BCLAF3: variants seen among roughly 807,000 people sequenced by gnomAD.
The protein encoded by BCLAF3 is transient octamer binding factor 1.
Under a neutral mutation model 51.2 loss-of-function variants are expected in BCLAF3, and 24 were observed. The ratio of observed to expected loss-of-function variants is 0.47; its 90% CI spans 0.34 to 0.66. BCLAF3 has a LOEUF of 0.66. Ranked by LOEUF, BCLAF3 falls within the 30% of genes least tolerant of loss-of-function variation. BCLAF3 has a pLI of 0.01. For synonymous variants in BCLAF3, 152 were observed against 176.6 expected, an observed-to-expected ratio of 0.86 and a Z score of 1.10; for missense variants, 465 against 525.1, an observed-to-expected ratio of 0.89 and a Z score of 1.12.
intron 1 of BCLAF3, among the ~76,000 whole-genome samples, chrX:19,980,137 A>G (rs2072562782): frequency 8.9e-6 from 1 of 112,398 alleles, no homozygotes; most frequent in African/African-American, 3.2e-5. Flanking sequence ...ACCTGAATCT[A>G]TACATTTAAG....
intron 11 of BCLAF3, among the ~76,000 whole-genome samples, chrX:19,927,014 G>A (rs1312838798): frequency 9.0e-6 from 1 of 111,255 alleles, no homozygotes; most frequent in Non-Finnish European, 1.9e-5. Flanking sequence ...ATCACATGAG[G>A]TCAGGAGTTC....
chrX:19,950,922 G>T, intron 7 of BCLAF3, 54 bp from the exon 8 acceptor site: 1 of 821,404 alleles, frequency 1.2e-6, no homozygotes, highest in Non-Finnish European at 1.8e-6. Flanking sequence ...GTTGCACAAA[G>T]ACCATATCTA....
chrX:19,952,478 G>A (rs1400302717), intron 7 of BCLAF3, among the ~76,000 whole-genome samples: 2 of 108,903 alleles, frequency 1.8e-5, no homozygotes, highest in Non-Finnish European at 3.8e-5. Flanking sequence ...TGTCGGGTGG[G>A]AACGACACAC....
intron 2 of BCLAF3, among the ~76,000 whole-genome samples, chrX:19,968,885 G>A (rs990632680): frequency 5.4e-5 from 6 of 111,556 alleles, no homozygotes; most frequent in African/African-American, 1.6e-4. Context: ...AGGCCGAGGC[G>A]GGCGGATCAC....
rs752777175 is a variant in BCLAF3, at chrX:19,915,982, C to G, written c.*1323G>C. On this transcript the variant is annotated 3_prime_UTR_variant, in exon 12 of 12. Transcript: ENST00000379682. The stretch of plus-strand genomic sequence containing the variant: ...ATTTATTACCTGCTTAGCAATGAAT[C>G]AAGTGCACTTGCCCCCCTTATCATG... 4 of 111,737 alleles carry G rather than the reference C, an allele frequency of 3.6e-5. No individual in the cohort carries two copies. Among genetic ancestry groups the G allele is most frequent in the South Asian group, 3.7e-4 (1 of 2,699 alleles). 9.2% of individuals were successfully genotyped at this position (111,737 alleles called of 1,213,427 possible).
chrX:19,975,727 G>A (rs766458774), intron 1 of BCLAF3, among the ~76,000 whole-genome samples: 3 of 111,885 alleles, frequency 2.7e-5, no homozygotes, highest in Admixed American at 9.5e-5. Context: ...AGGCTCAAGC[G>A]ATCCTCCTGC....
At chrX:19,990,153 A>AG in intron 1 of BCLAF3, among the ~76,000 whole-genome samples, 1 of 109,091 alleles carries the variant, frequency 9.2e-6, no homozygotes, top group South Asian at 3.9e-4. Flanking sequence ...AAAAAAAAAA[A>AG]AAAAAAAAAA....
At chrX:19,946,496 A>G (rs2071304928) in intron 8 of BCLAF3, among the ~76,000 whole-genome samples, 1 of 110,584 alleles carries the variant, frequency 9.0e-6, no homozygotes, top group South Asian at 3.8e-4. Context: ...TTTTCACTTG[A>G]GAAGGAAATA....
chrX:19,958,927 C>T (rs1027164359), intron 4 of BCLAF3, among the ~76,000 whole-genome samples: 3 of 112,267 alleles, frequency 2.7e-5, no homozygotes, highest in Non-Finnish European at 5.6e-5. Context: ...CACAAAAGTC[C>T]TCTAGTGGGC....
chrX:19,937,330 C>T (rs780159785), intron 9 of BCLAF3, 88 bp downstream of exon 9: 44 of 527,921 alleles, frequency 8.3e-5, no homozygotes, highest in Non-Finnish European at 1.2e-4. Flanking sequence ...CAATTACAAA[C>T]GTGAAAAATA....
intron 1 of BCLAF3, among the ~76,000 whole-genome samples, chrX:19,979,212 C>T (rs200976712): frequency 9.1e-5 from 10 of 110,207 alleles, no homozygotes; most frequent in East Asian, 2.9e-4. Context: ...CAGTGAGCCA[C>T]GATTGTGCCA....
At position 19,915,770 on chromosome X, in the gene BCLAF3, T is replaced by C. The variant is rs2069924289; in HGVS notation, c.*1535A>G. On this transcript the variant is annotated 3_prime_UTR_variant, in exon 12 of 12. Transcript: ENST00000379682. ...CAAAGCTCATTACTGTCCCCTAGAA[T>C]ATGGGAGTAAATGAAATCAATTATT... is the stretch of plus-strand genomic sequence containing the variant. 1 of 112,011 alleles carries C rather than the reference T, an allele frequency of 8.9e-6. No homozygotes were observed. The highest frequency in any genetic ancestry group is 3.2e-5 in the African/African-American group (1 of 30,864). 9.2% of individuals were successfully genotyped at this position (112,011 alleles called of 1,213,427 possible). A position where few individuals can be genotyped will look rare whatever the true frequency, so the allele number is the denominator to read the frequency against.
At chrX:19,959,870 G>A (rs989320354) in intron 4 of BCLAF3, among the ~76,000 whole-genome samples, 5 of 111,082 alleles carry the variant, frequency 4.5e-5, no homozygotes, top group Admixed American at 2.9e-4. Context: ...GCGTGATCTC[G>A]GCTCACTGCA....
Position 19,917,329 on chromosome X carries a change from ATATTCC to A in BCLAF3, c.2107-1_2111del. On this transcript the variant is annotated splice_acceptor_variant and coding_sequence_variant, in exon 12 of 12. Transcript: ENST00000379682. LOFTEE classifies it high-confidence loss of function. ...ATTAGATTCCTGTGGCAACATCTGT[ATATTCC>A]TATTGAGAGAAAACAAGAGAAATAA... The A allele has an allele frequency of 8.4e-7, 1 of 1,196,399 alleles. No homozygotes were observed. Among genetic ancestry groups the A allele is most frequent in the South Asian group, 1.8e-5 (1 of 55,359 alleles).
Position 19,955,543 on chromosome X carries a change from T to A in BCLAF3, c.1298A>T (p.Glu433Val). The change falls in exon 5 of 12, where the codon GAG (glutamate) becomes GTG (valine). Residue 433 changes from glutamate to valine, a missense_variant. Glu to Val is a moderately radical substitution (Grantham distance 121, BLOSUM62 -2). Transcript: ENST00000379682. ...TFRVASSYST[E>V]RQMSHDLVAV... The stretch of plus-strand genomic sequence containing the variant: ...AACCAAATCATGTGACATCTGTCTC[T>A]CTGTGGAATAGCTAGAAGCAACCCT... 1.7e-6 allele frequency: 2 copies of A among 1,196,676 alleles called. No homozygotes were observed. The highest frequency in any genetic ancestry group is 2.3e-5 in the Admixed American group (1 of 42,701).
At chrX:19,983,881 A>T (rs1240020428) in intron 1 of BCLAF3, among the ~76,000 whole-genome samples, 1 of 108,254 alleles carries the variant, frequency 9.2e-6, no homozygotes, top group East Asian at 2.9e-4. Context: ...CCAGCCTGGC[A>T]AACACCGTGA....
chrX:19,938,422 G>C lies in BCLAF3; in HGVS notation c.1746-890C>G, dbSNP rs756819345. On this transcript the variant is annotated intron_variant, in intron 8 of 11. Transcript: ENST00000379682. ...TTTGTTTGCTTGTTTTTGAGACAGAGTCTTGCTGTGTTGCCCAGGCTGGAG... is the reference window on the plus strand; with the variant it reads ...TTTGTTTGCTTGTTTTTGAGACAGACTCTTGCTGTGTTGCCCAGGCTGGAG... 9.8e-5 allele frequency among the ~76,000 whole-genome samples: 11 copies of C among 112,122 alleles called. No individual in the cohort carries two copies. In the East Asian group the frequency reaches 2.8e-3, roughly 29 times the overall value.
chrX:19,974,901 T>C (rs1487491944), intron 1 of BCLAF3, among the ~76,000 whole-genome samples: 1 of 110,923 alleles, frequency 9.0e-6, no homozygotes, highest in Non-Finnish European at 1.9e-5. Context: ...AATAAATAAA[T>C]AAATTTCAAA....
rs770882590 is a variant in BCLAF3 at position 19,965,320 on chromosome X, G to A, written c.998C>T (p.Thr333Ile). Reference sequence around the variant, plus strand: ...AGGTTCTTTGACTTGTCCATCTTGAGTCTCTCTCCCTCTTCCAGTATTAAA... The same window carrying A: ...AGGTTCTTTGACTTGTCCATCTTGAATCTCTCTCCCTCTTCCAGTATTAAA... ...DCFNTGRGRE[T>I]QDGQVKEPFK... is the part of the protein sequence containing the mutation. Residue 333 changes from threonine to isoleucine, a missense_variant, in exon 4 of 12, where the codon ACT (threonine) becomes ATT (isoleucine). By Grantham distance (89) the Thr-to-Ile change is moderately conservative (BLOSUM62 -1). Transcript: ENST00000379682. 2.5e-6 allele frequency: 3 copies of A among 1,211,222 alleles called. No individual in the cohort carries two copies. In the Admixed American group the frequency reaches 6.5e-5, roughly 26 times the overall value.
Sources: allele counts gnomAD v4.1 joint callset (sites outside exome capture counted in the v4.1 genomes callset), GRCh38; gene constraint gnomAD v4.1.1; transcripts MANE v1.5; gene names NCBI Gene and HGNC (gene_info 2026-07-23, HGNC 2026-07-21).